Variants in FGF14 observed in about 807,000 individuals in gnomAD.
FGF14 encodes fibroblast growth factor 14.
A neutral mutation model predicts 25.5 loss-of-function variants in FGF14; 5 were observed. The observed-to-expected ratio is 0.20, with a 90% CI of 0.10 to 0.41. The LOEUF (loss-of-function observed/expected upper bound fraction) is 0.41. Among genes scored for constraint, FGF14 ranks in the 10% least tolerant of loss-of-function variants. The pLI is 1.00. For missense variants in FGF14, 222 were observed against 320.1 expected (o/e 0.69, Z 2.34); for synonymous variants, 138 against 118.3 (o/e 1.17, Z -1.08).
At position 102,053,515 on chromosome 13, in the gene FGF14, G is replaced by A. The variant is rs567480970; in HGVS notation, c.209-178219C>T. Among the ~76,000 whole-genome samples the A allele has an allele frequency of 1.6e-4, 24 of 152,200 alleles. No individual in the cohort carries two copies. In the East Asian group the frequency reaches 2.3e-3, roughly 15 times the overall value. On this transcript the variant is annotated intron_variant, in intron 1 of 4. Transcript: ENST00000376131. ...CAAATTAAAAGCAAAATTTAAAAAT[G>A]TCTTGAGATAAACAAAAATGTAAAC...
At chr13:101,866,581 A>C (rs2044718547) in intron 3 of FGF14, among the ~76,000 whole-genome samples, 1 of 139,916 alleles carries the variant, frequency 7.1e-6, no homozygotes, top group Admixed American at 7.6e-5. Flanking sequence ...CACTATTGTT[A>C]TTGTATAGAT....
At chr13:102,359,509 T>C (rs1288089167) in intron 1 of FGF14, among the ~76,000 whole-genome samples, 1 of 152,184 alleles carries the variant, frequency 6.6e-6, no homozygotes, top group Non-Finnish European at 1.5e-5. Flanking sequence ...TAGTTTTCAC[T>C]TTTGCATTTC....
At chr13:101,938,745 C>T (rs945743861) in intron 1 of FGF14, among the ~76,000 whole-genome samples, 1 of 152,134 alleles carries the variant, frequency 6.6e-6, no homozygotes, top group African/African-American at 2.4e-5. Context: ...TTCATTTGAC[C>T]TTCAGTATTT....
chr13:101,782,602 T>C (rs2039572459), intron 3 of FGF14, among the ~76,000 whole-genome samples: 1 of 152,218 alleles, frequency 6.6e-6, no homozygotes, highest in Non-Finnish European at 1.5e-5. Flanking sequence ...TGAGTTCTCA[T>C]CATTTGGCAA....
At chr13:102,009,552 G>A (rs2039975786) in intron 1 of FGF14, among the ~76,000 whole-genome samples, 1 of 151,840 alleles carries the variant, frequency 6.6e-6, no homozygotes. Flanking sequence ...ATGTTCTTCT[G>A]AATATTTTTA....
At chr13:101,805,201 T>C (rs930360781) in intron 3 of FGF14, among the ~76,000 whole-genome samples, 15 of 152,124 alleles carry the variant, frequency 9.9e-5, no homozygotes, top group African/African-American at 3.1e-4. Flanking sequence ...AACACTCAGC[T>C]ACAGTAAGTA....
intron 1 of FGF14, among the ~76,000 whole-genome samples, chr13:102,130,425 C>T (rs1277567612): frequency 1.3e-5 from 2 of 152,146 alleles, no homozygotes; most frequent in African/African-American, 4.8e-5. Context: ...GTATCACATC[C>T]CTCTAAGCTC....
At chr13:102,204,494 T>G (rs2049815660) in intron 1 of FGF14, among the ~76,000 whole-genome samples, 1 of 152,180 alleles carries the variant, frequency 6.6e-6, no homozygotes, top group African/African-American at 2.4e-5. Context: ...ATATGGTTGG[T>G]GCAGGTTCAA....
At chr13:101,888,265 C>G (rs769553287) in intron 1 of FGF14, among the ~76,000 whole-genome samples, 2 of 152,162 alleles carry the variant, frequency 1.3e-5, no homozygotes, top group Non-Finnish European at 2.9e-5. Context: ...ACACTGGGAA[C>G]TGCTGGTAGC....
intron 3 of FGF14, among the ~76,000 whole-genome samples, chr13:101,850,508 AT>A (rs2043761688): frequency 3.2e-4 from 1 of 3,112 alleles, no homozygotes; most frequent in African/African-American, 1.0e-3. Flanking sequence ...ATATATATAT[AT>A]ATATAGAATT....
rs555576828 is a variant in FGF14 at position 102,305,987 on chromosome 13, C to T, written c.208+95484G>A. Among the ~76,000 whole-genome samples the T allele has an allele frequency of 3.3e-5, 5 of 152,244 alleles. No homozygotes were observed. The South Asian group carries it at 1.0e-3, about 32-fold the overall frequency. On this transcript the variant is annotated intron_variant, in intron 1 of 4. Transcript: ENST00000376131. The stretch of plus-strand genomic sequence containing the variant: ...AGATAAATGCTAAATAATTTCAATG[C>T]CCTGCCCTGCCCACAAATAAAGCAT...
intron 1 of FGF14, among the ~76,000 whole-genome samples, chr13:102,230,474 G>C (rs938585821): frequency 6.6e-6 from 1 of 152,068 alleles, no homozygotes; most frequent in Non-Finnish European, 1.5e-5. Context: ...CTCCATAAAA[G>C]GTATACTGGG....
At chr13:101,882,617 A>G (rs1319458294) in intron 1 of FGF14, among the ~76,000 whole-genome samples, 1 of 152,080 alleles carries the variant, frequency 6.6e-6, no homozygotes, top group Non-Finnish European at 1.5e-5. Context: ...TGTTAAAAAA[A>G]TAAGCAGTGG....
intron 1 of FGF14, among the ~76,000 whole-genome samples, chr13:102,107,215 G>A (rs1369831979): frequency 6.6e-6 from 1 of 152,094 alleles, no homozygotes; most frequent in Non-Finnish European, 1.5e-5. Context: ...ATAGAAATTT[G>A]GCAACTGTCT....
chr13:101,784,429 T>C (rs183567835), intron 3 of FGF14, among the ~76,000 whole-genome samples: 6 of 152,266 alleles, frequency 3.9e-5, no homozygotes, highest in Admixed American at 2.6e-4. Flanking sequence ...AGGCTCCACT[T>C]ATGACCCACC....
At chr13:101,987,503 T>C (rs978222232) in intron 1 of FGF14, among the ~76,000 whole-genome samples, 11 of 152,180 alleles carry the variant, frequency 7.2e-5, no homozygotes, top group Non-Finnish European at 1.5e-4. Flanking sequence ...TGCCCTTTTT[T>C]CTAAAACATA....
At chr13:101,871,611 T>C (rs1416636972) in intron 2 of FGF14, among the ~76,000 whole-genome samples, 2 of 151,876 alleles carry the variant, frequency 1.3e-5, no homozygotes, top group African/African-American at 4.8e-5. Flanking sequence ...ATTCTGCTTG[T>C]AGTAGCTATT....
intron 1 of FGF14, among the ~76,000 whole-genome samples, chr13:102,345,370 T>G (rs1362816365): frequency 6.6e-6 from 1 of 152,252 alleles, no homozygotes; most frequent in Non-Finnish European, 1.5e-5. Flanking sequence ...TTATTAAACA[T>G]GGCACTACTT....
chr13:102,141,596 A>C (rs1247893243), intron 1 of FGF14, among the ~76,000 whole-genome samples: 1 of 152,256 alleles, frequency 6.6e-6, no homozygotes, highest in East Asian at 1.9e-4. Context: ...TTGTAATTTC[A>C]GAAGTTTCTC....
Sources: gnomAD v4.1 joint callset for allele counts (sites outside exome capture counted in the v4.1 genomes callset) on GRCh38, gnomAD v4.1.1 for gene constraint, MANE v1.5 for transcripts, NCBI Gene and HGNC (gene_info 2026-07-23, HGNC 2026-07-21) for gene names.